SHD: variants seen among roughly 807,000 people sequenced by gnomAD.
The protein encoded by SHD is Src homology 2 domain containing transforming protein D.
Under a neutral mutation model 31.2 loss-of-function variants are expected in SHD, and 29 were observed. That is an observed-to-expected ratio of 0.93 (90% CI 0.69 to 1.27). The LOEUF (loss-of-function observed/expected upper bound fraction) is 1.27. Ranked by LOEUF, SHD falls within the 50% of genes most tolerant of loss-of-function variation. SHD has a pLI of 0.00. For missense variants in SHD, 520 were observed against 453.8 expected, an observed-to-expected ratio of 1.15 and a Z score of -1.33; for synonymous variants, 208 against 187.8, an observed-to-expected ratio of 1.11 and a Z score of -0.88.
Position 4,290,445 on chromosome 19 carries a change from A to G in SHD, c.837-2A>G. On this transcript the variant is annotated splice_acceptor_variant, in intron 5 of 5. Transcript: ENST00000543264. LOFTEE classifies it high-confidence loss of function. ...GGAGTCCCTTTCTCCCTCATCGCCC[A>G]GGAGCAGCCAGGGCTTCCTGCATCT... is the stretch of plus-strand genomic sequence containing the variant. 1 of 1,609,244 alleles carries G rather than the reference A, an allele frequency of 6.2e-7. No homozygotes were observed. Among genetic ancestry groups the G allele is most frequent in the Middle Eastern group, 1.7e-4 (1 of 6,038 alleles).
intron 1 of SHD, among the ~76,000 whole-genome samples, chr19:4,281,162 C>A (rs561662167): frequency 4.0e-4 from 60 of 151,838 alleles, no homozygotes; most frequent in Non-Finnish European, 6.9e-4. Flanking sequence ...TGAACCCAGG[C>A]CACCGGGTGC....
Position 4,288,231 on chromosome 19 carries a change from C to T in SHD, c.717-12C>T. 1 of 1,612,306 alleles carries T rather than the reference C, an allele frequency of 6.2e-7. No individual in the cohort carries two copies. The highest frequency in any genetic ancestry group is 8.5e-7 in the Non-Finnish European group (1 of 1,179,096). ...AATGGCCCTTGATGAGACATCTGTC[C>T]ATACTCGCTAGGTGGTTTCATGGCC... is the stretch of plus-strand genomic sequence containing the variant. On this transcript the variant is annotated splice_polypyrimidine_tract_variant and intron_variant, in intron 4 of 5. Transcript: ENST00000543264.
intron 5 of SHD, among the ~76,000 whole-genome samples, chr19:4,289,547 C>CTTA (rs1353013897): frequency 5.5e-4 from 82 of 150,016 alleles, no homozygotes; most frequent in Non-Finnish European, 1.1e-3. Flanking sequence ...CACCTGGCCT[C>CTTA]TTATTATTAT....
chr19:4,288,209 G>C lies in SHD; in HGVS notation c.717-34G>C, dbSNP rs568883041. ...GCCCCAGAGTGTGTTTGAAGGGAAT[G>C]GCCCTTGATGAGACATCTGTCCATA... On this transcript the variant is annotated intron_variant, in intron 4 of 5. Transcript: ENST00000543264. 2.5e-4 allele frequency: 403 copies of C among 1,603,628 alleles called. 3 individuals carry two copies. In the South Asian group the frequency reaches 4.1e-3, roughly 16 times the overall value.
At position 4,280,134 on chromosome 19, in the gene SHD, A is replaced by T; in HGVS notation, c.71A>T (p.Asp24Val). ...RRPPPQPPTP[D>V]YTESDILRAY... is the part of the protein sequence containing the mutation. ...CCCCCTCCGCAGCCGCCCACCCCGG[A>T]CTACACCGAGAGCGACATCCTGAGG... Residue 24 changes from aspartate to valine, a missense_variant, in exon 1 of 6, where the codon GAC (aspartate) becomes GTC (valine). Physicochemically the swap from Asp to Val is radical, Grantham distance 152. Coordinates refer to ENST00000543264, the MANE Select transcript of SHD (RefSeq NM_020209.4). 6.2e-7 allele frequency: 1 copy of T among 1,608,860 alleles called. No homozygotes were observed. Among genetic ancestry groups the T allele is most frequent in the South Asian group, 1.1e-5 (1 of 90,778 alleles).
At chr19:4,283,461 A>C (rs1346153633) in intron 3 of SHD, among the ~76,000 whole-genome samples, 1 of 152,192 alleles carries the variant, frequency 6.6e-6, no homozygotes, top group East Asian at 1.9e-4. Context: ...TTAGAGTGGA[A>C]TGGAACCTAC....
At chr19:4,289,963 C>T (rs1971359775) in intron 5 of SHD, among the ~76,000 whole-genome samples, 1 of 151,834 alleles carries the variant, frequency 6.6e-6, no homozygotes, top group Non-Finnish European at 1.5e-5. Flanking sequence ...GCAGCCTCTG[C>T]CTCCCAGGTT....
intron 1 of SHD, among the ~76,000 whole-genome samples, chr19:4,280,818 C>T (rs1055069546): frequency 6.6e-6 from 1 of 152,044 alleles, no homozygotes; most frequent in Non-Finnish European, 1.5e-5. Context: ...TGAGTCACTG[C>T]GCCCGGTGGA....
In SHD at chr19:4,290,573, G is replaced by C. The variant is rs141245072; in HGVS notation, c.963G>C (p.Leu321=). Reference sequence around the variant, plus strand: ...TCCTCCACTACAGTTCACGCCCACTGCCGGTGCAGGGTGCCGAGCATCTGG... The same window carrying C: ...TCCTCCACTACAGTTCACGCCCACTCCCGGTGCAGGGTGCCGAGCATCTGG... The part of the protein sequence containing the change: ...ELVLHYSSRP[L]PVQGAEHLAL... The change falls in exon 6 of 6, where the codon CTG becomes CTC. Residue 321 remains leucine (L), a synonymous_variant. Transcript: ENST00000543264. 87 of 1,613,556 alleles carry C rather than the reference G, an allele frequency of 5.4e-5. No individual in the cohort carries two copies. Among genetic ancestry groups the C allele is most frequent in the Non-Finnish European group, 7.0e-5 (83 of 1,179,978 alleles).
chr19:4,281,104 C>T (rs539996538), intron 1 of SHD, among the ~76,000 whole-genome samples: 34 of 152,092 alleles, frequency 2.2e-4, no homozygotes, highest in Non-Finnish European at 3.8e-4. Flanking sequence ...GCTCGCAGAA[C>T]GGTAGTGACT....
In SHD at chr19:4,289,651, A is replaced by T. The variant is rs548075528; in HGVS notation, c.837-796A>T. On this transcript the variant is annotated intron_variant, in intron 5 of 5. Transcript: ENST00000543264. ...AGTGGCACGATCTCGGCTCACTGCAAGCTCCGCCTCCCGGGTTCACGCCAT... is the reference window on the plus strand; with the variant it reads ...AGTGGCACGATCTCGGCTCACTGCATGCTCCGCCTCCCGGGTTCACGCCAT... 1.5e-4 allele frequency among the ~76,000 whole-genome samples: 22 copies of T among 150,616 alleles called. No homozygotes were observed. In the South Asian group the frequency reaches 4.2e-3, roughly 29 times the overall value.
rs1360463671 is a variant in SHD at position 4,279,757 on chromosome 19, C to T, written c.-307C>T. 1.0e-5 allele frequency: 4 copies of T among 388,914 alleles called. No individual in the cohort carries two copies. The Admixed American group carries it at 1.7e-4, about 17-fold the overall frequency. The allele number at this position is 388,914 out of a possible 1,614,324, so 24.1% of individuals were successfully genotyped here. ...CGCGCGCCTCCGCGGATGCCCCTCG[C>T]CCTAGCCCCCAGCGCGCGGGGTTCG... On this transcript the variant is annotated 5_prime_UTR_variant, in exon 1 of 6. Coordinates refer to ENST00000543264, the MANE Select transcript of SHD (RefSeq NM_020209.4). The surrounding 1 kb of genome is among the most constrained non-coding windows in gnomAD (Gnocchi z 7.5).
At chr19:4,289,145 CTG>C (rs1444688355) in intron 5 of SHD, among the ~76,000 whole-genome samples, 1 of 121,768 alleles carries the variant, frequency 8.2e-6, no homozygotes, top group African/African-American at 3.2e-5. Context: ...GAGTCTAGCT[CTG>C]TCACCCAGGC....
intron 1 of SHD, among the ~76,000 whole-genome samples, chr19:4,281,039 C>T (rs950488158): frequency 1.3e-5 from 2 of 151,894 alleles, no homozygotes; most frequent in Non-Finnish European, 1.5e-5. Flanking sequence ...AATATCCTCC[C>T]GGTGATGCTG....
chr19:4,286,200 C>G (rs1256680458), intron 4 of SHD, among the ~76,000 whole-genome samples: 1 of 130,646 alleles, frequency 7.7e-6, no homozygotes, highest in African/African-American at 3.3e-5. Flanking sequence ...CCCGCTCTTT[C>G]TTTTTCTTTC....
In SHD at chr19:4,288,228, G is replaced by T; in HGVS notation, c.717-15G>T. On this transcript the variant is annotated splice_polypyrimidine_tract_variant and intron_variant, in intron 4 of 5. Transcript: ENST00000543264. ...GGGAATGGCCCTTGATGAGACATCT[G>T]TCCATACTCGCTAGGTGGTTTCATG... 2 of 1,612,274 alleles carry T rather than the reference G, an allele frequency of 1.2e-6. No homozygotes were observed. Among genetic ancestry groups the T allele is most frequent in the Non-Finnish European group, 1.7e-6 (2 of 1,179,054 alleles).
intron 1 of SHD, among the ~76,000 whole-genome samples, chr19:4,282,149 G>A (rs1193602426): frequency 6.6e-6 from 1 of 152,154 alleles, no homozygotes; most frequent in African/African-American, 2.4e-5. Context: ...GCCAGGCACT[G>A]TGGCTCATGC....
chr19:4,288,667 CAA>C (rs2144721169), intron 5 of SHD, among the ~76,000 whole-genome samples: 1 of 152,168 alleles, frequency 6.6e-6, no homozygotes, highest in South Asian at 2.1e-4. Context: ...TCCCCTTGTC[CAA>C]AAATGGAGGT....
Position 4,288,333 on chromosome 19 carries a change from C to A in SHD, c.807C>A (p.Thr269=), listed in dbSNP as rs779850444. 1 of 1,613,796 alleles carries A rather than the reference C, an allele frequency of 6.2e-7. No homozygotes were observed. Among genetic ancestry groups the A allele is most frequent in the South Asian group, 1.1e-5 (1 of 91,050 alleles). Residue 269 remains threonine (T), a synonymous_variant, in exon 5 of 6, where the codon ACC becomes ACA. Coordinates refer to ENST00000543264, the MANE Select transcript of SHD (RefSeq NM_020209.4). ...EGSYLVRLSE[T]NPQDCSLSLR... is the part of the protein sequence containing the mutation. ...GCTACCTAGTGCGGCTCAGTGAGAC[C>A]AACCCCCAGGACTGCTCCTTGTCTC... is the stretch of plus-strand genomic sequence containing the variant.
Sources: allele counts gnomAD v4.1 joint callset (sites outside exome capture counted in the v4.1 genomes callset), GRCh38; gene constraint gnomAD v4.1.1; non-coding constraint Gnocchi (gnomAD v3.1); transcripts MANE v1.5; gene names NCBI Gene and HGNC (gene_info 2026-07-23, HGNC 2026-07-21).